Variants in NKAIN2 observed in about 807,000 individuals in gnomAD.
The protein encoded by NKAIN2 is sodium/potassium transporting ATPase interacting 2, also known as sodium/potassium-transporting ATPase subunit beta-1-interacting protein 2.
In NKAIN2, 14 loss-of-function variants were observed where a neutral mutation model predicts 32.6. The ratio of observed to expected loss-of-function variants is 0.43; its 90% confidence interval spans 0.28 to 0.67. The LOEUF is 0.67. Among genes scored for constraint, NKAIN2 ranks in the 30% least tolerant of loss-of-function variants. The pLI is 0.17. For synonymous variants in NKAIN2, 80 were observed against 87.2 expected, an observed-to-expected ratio of 0.92 and a Z score of 0.46; for missense variants, 198 against 258.3, an observed-to-expected ratio of 0.77 and a Z score of 1.60.
intron 1 of NKAIN2, among the ~76,000 whole-genome samples, chr6:124,227,930 T>TG (rs1226101686): frequency 6.6e-6 from 1 of 152,160 alleles, no homozygotes; most frequent in Non-Finnish European, 1.5e-5. Context: ...CACACAGTTC[T>TG]GGGGACTGGA....
At chr6:123,997,107 A>G (rs7754243) in intron 1 of NKAIN2, among the ~76,000 whole-genome samples, 54,348 of 152,064 alleles carry the variant, frequency 0.36, 9,963 homozygotes, top group East Asian at 0.42. Flanking sequence ...TTTGTCAACC[A>G]TGTCAGTAGA....
intron 1 of NKAIN2, among the ~76,000 whole-genome samples, chr6:124,087,147 A>G (rs1784222872): frequency 6.6e-6 from 1 of 152,006 alleles, no homozygotes; most frequent in East Asian, 1.9e-4. Flanking sequence ...GTAAACCTTT[A>G]TATCAACAGA....
chr6:124,157,695 C>T (rs1034747856), intron 1 of NKAIN2, among the ~76,000 whole-genome samples: 1 of 152,086 alleles, frequency 6.6e-6, no homozygotes, highest in Admixed American at 6.5e-5. Flanking sequence ...TAACACTCAG[C>T]CTTTTGAGAT....
chr6:124,375,117 G>C (rs941264868), intron 3 of NKAIN2, among the ~76,000 whole-genome samples: 1 of 151,934 alleles, frequency 6.6e-6, no homozygotes, highest in African/African-American at 2.4e-5. Flanking sequence ...TGAGACATGA[G>C]AAAATAAGAC....
chr6:124,724,849 A>T (rs891799256), intron 4 of NKAIN2, among the ~76,000 whole-genome samples: 1 of 152,198 alleles, frequency 6.6e-6, no homozygotes, highest in East Asian at 1.9e-4. Flanking sequence ...TGGCCCATAA[A>T]TATGTTCACA....
intron 1 of NKAIN2, among the ~76,000 whole-genome samples, chr6:124,021,160 A>T (rs9482502): frequency 7.2e-5 from 11 of 152,012 alleles, no homozygotes; most frequent in Non-Finnish European, 1.6e-4. Context: ...AGGATTTTTC[A>T]ACACAGGGAA....
intron 1 of NKAIN2, among the ~76,000 whole-genome samples, chr6:124,149,333 T>C (rs771493897): frequency 7.2e-5 from 11 of 152,202 alleles, no homozygotes; most frequent in Non-Finnish European, 1.3e-4. Context: ...GTACTTTTAG[T>C]GCTGTAATTA....
At chr6:124,129,898 G>A (rs138936890) in intron 1 of NKAIN2, among the ~76,000 whole-genome samples, 4 of 152,226 alleles carry the variant, frequency 2.6e-5, no homozygotes, top group African/African-American at 7.2e-5. Context: ...GATTATAGGC[G>A]TGAGCCACCC....
At chr6:124,064,431 A>G (rs901839385) in intron 1 of NKAIN2, among the ~76,000 whole-genome samples, 7 of 150,974 alleles carry the variant, frequency 4.6e-5, no homozygotes, top group Admixed American at 3.3e-4. Context: ...GTCACTCCTA[A>G]CCTCCCAGTT....
At chr6:124,183,352 A>G (rs547641886) in intron 1 of NKAIN2, among the ~76,000 whole-genome samples, 88 of 152,230 alleles carry the variant, frequency 5.8e-4, no homozygotes, top group African/African-American at 1.7e-3. Context: ...TATTACTAAT[A>G]AAAGTATAGC....
At chr6:124,057,374 G>A (rs756291636) in intron 1 of NKAIN2, among the ~76,000 whole-genome samples, 1 of 151,942 alleles carries the variant, frequency 6.6e-6, no homozygotes, top group African/African-American at 2.4e-5. Flanking sequence ...ACTTAAATCC[G>A]CAGCTTCAAT....
intron 3 of NKAIN2, among the ~76,000 whole-genome samples, chr6:124,541,482 T>C (rs966955989): frequency 3.9e-5 from 6 of 152,282 alleles, no homozygotes; most frequent in Admixed American, 2.6e-4. Flanking sequence ...TAACCTATAA[T>C]TATGGCCATA....
chr6:124,299,098 G>A (rs1209768831), intron 2 of NKAIN2, among the ~76,000 whole-genome samples: 1 of 152,196 alleles, frequency 6.6e-6, no homozygotes, highest in African/African-American at 2.4e-5. Context: ...GTTACATCTG[G>A]AAAATGCCTG....
At chr6:123,851,701 T>C (rs1775354426) in intron 1 of NKAIN2, among the ~76,000 whole-genome samples, 1 of 152,318 alleles carries the variant, frequency 6.6e-6, no homozygotes, top group Middle Eastern at 3.4e-3. Context: ...ATTAGTGATG[T>C]CGAGCTTTTT....
intron 3 of NKAIN2, among the ~76,000 whole-genome samples, chr6:124,520,748 G>A (rs1279131187): frequency 6.6e-6 from 1 of 152,062 alleles, no homozygotes; most frequent in Non-Finnish European, 1.5e-5. Context: ...ATCCCTATGT[G>A]CTACAAATTT....
At chr6:124,374,140 C>T (rs1396646838) in intron 3 of NKAIN2, among the ~76,000 whole-genome samples, 1 of 151,940 alleles carries the variant, frequency 6.6e-6, no homozygotes. Flanking sequence ...AGAAAAGGGA[C>T]AGTGAATCTG....
chr6:124,165,786 G>A (rs1409617444), intron 1 of NKAIN2, among the ~76,000 whole-genome samples: 194 of 147,524 alleles, frequency 1.3e-3, no homozygotes, highest in Non-Finnish European at 1.9e-3. Flanking sequence ...TTGTCCTTGC[G>A]ATAGTTTACT....
intron 3 of NKAIN2, among the ~76,000 whole-genome samples, chr6:124,591,915 G>A (rs139817610): frequency 2.3e-3 from 349 of 152,246 alleles, no homozygotes; most frequent in Non-Finnish European, 3.5e-3. Context: ...AATTGAGCAG[G>A]ATGTGGTCTC....
chr6:124,422,078 GA>G (rs144785573), intron 3 of NKAIN2, among the ~76,000 whole-genome samples: 1 of 151,810 alleles, frequency 6.6e-6, no homozygotes, highest in Non-Finnish European at 1.5e-5. Context: ...TAGAATGACA[GA>G]AAAAATAAAA....
Sources: gnomAD v4.1 joint callset for allele counts (sites outside exome capture counted in the v4.1 genomes callset) on GRCh38, gnomAD v4.1.1 for gene constraint, MANE v1.5 for transcripts, NCBI Gene and HGNC (gene_info 2026-07-23, HGNC 2026-07-21) for gene names.